Variants in ADAM29 observed in about 807,000 individuals in gnomAD.
ADAM29 encodes disintegrin and metalloproteinase domain-containing protein 29.
For missense variants in ADAM29, 969 were observed against 1,001.8 expected (o/e 0.97, Z 0.44); for synonymous variants, 367 against 342.3 (o/e 1.07, Z -0.80).
chr4:174,924,351 G>T (rs1055091664), intron 2 of ADAM29, among the ~76,000 whole-genome samples: 10 of 152,172 alleles, frequency 6.6e-5, no homozygotes, highest in Non-Finnish European at 1.2e-4. Flanking sequence ...TGGTAAGGAT[G>T]CAGTGCAACA....
chr4:174,954,507 A>G (rs1232069498), intron 4 of ADAM29, among the ~76,000 whole-genome samples: 2 of 152,196 alleles, frequency 1.3e-5, no homozygotes, highest in African/African-American at 2.4e-5. Context: ...GAATCTGTTT[A>G]ATTATCCATA....
At chr4:174,932,497 C>T (rs1274030259) in intron 3 of ADAM29, among the ~76,000 whole-genome samples, 3 of 152,080 alleles carry the variant, frequency 2.0e-5, no homozygotes, top group East Asian at 3.9e-4. Flanking sequence ...TCCCTCAGGC[C>T]TCTTTTACAA....
At chr4:174,920,105 A>T (rs1182514302) in intron 1 of ADAM29, among the ~76,000 whole-genome samples, 15 of 152,160 alleles carry the variant, frequency 9.9e-5, no homozygotes, top group Admixed American at 9.8e-4. Context: ...CATGTTACCT[A>T]TTCATACATA....
intron 2 of ADAM29, among the ~76,000 whole-genome samples, chr4:174,923,519 TTATATG>T (rs1553970124): frequency 2.7e-4 from 10 of 36,774 alleles, no homozygotes; most frequent in African/African-American, 5.2e-4. Context: ...ATACTGTGCA[TTATATG>T]TATATATATA....
chr4:174,938,320 G>T (rs1744318080), intron 4 of ADAM29, among the ~76,000 whole-genome samples: 1 of 152,076 alleles, frequency 6.6e-6, no homozygotes, highest in Non-Finnish European at 1.5e-5. Flanking sequence ...GGAACAGAGA[G>T]AAATGGAATG....
chr4:174,970,332 T>C (rs1479594736), intron 4 of ADAM29, among the ~76,000 whole-genome samples: 1 of 152,120 alleles, frequency 6.6e-6, no homozygotes, highest in Non-Finnish European at 1.5e-5. Context: ...GATTTCCCTG[T>C]ATTATACCGT....
At chr4:174,922,524 A>T (rs1388316662) in intron 2 of ADAM29, among the ~76,000 whole-genome samples, 1 of 152,116 alleles carries the variant, frequency 6.6e-6, no homozygotes, top group Non-Finnish European at 1.5e-5. Flanking sequence ...AGTTTCAATC[A>T]GCACGAGCAT....
intron 4 of ADAM29, among the ~76,000 whole-genome samples, chr4:174,968,919 T>C (rs1445363589): frequency 6.6e-6 from 1 of 152,020 alleles, no homozygotes; most frequent in Non-Finnish European, 1.5e-5. Context: ...TTTTATGAAA[T>C]TCATTTCCTA....
chr4:174,929,303 G>GT lies in ADAM29; in HGVS notation c.-450-1683_-450-1682insT, dbSNP rs140988292. Among the ~76,000 whole-genome samples, 322 of 152,218 alleles carry GT rather than the reference G, an allele frequency of 2.1e-3. 2 individuals are homozygous for GT. The Middle Eastern group carries it at 0.027, about 13-fold the overall frequency. On this transcript the variant is annotated intron_variant, in intron 2 of 4. Transcript: ENST00000359240. Reference sequence around the variant, plus strand: ...GCATAATGTTGACTTTCTTTAGAAAGCATATTCTGATGCTTTCAAAAAGAC... The same window carrying GT: ...GCATAATGTTGACTTTCTTTAGAAAGTCATATTCTGATGCTTTCAAAAAGAC...
intron 4 of ADAM29, among the ~76,000 whole-genome samples, chr4:174,955,103 A>G (rs965919463): frequency 3.3e-5 from 5 of 152,080 alleles, no homozygotes; most frequent in Non-Finnish European, 7.4e-5. Context: ...AAAATGTAAT[A>G]TCAGAGATAT....
At chr4:174,966,210 AT>A (rs961798825) in intron 4 of ADAM29, among the ~76,000 whole-genome samples, 1 of 152,000 alleles carries the variant, frequency 6.6e-6, no homozygotes, top group Non-Finnish European at 1.5e-5. Context: ...TACAGATGCA[AT>A]TTTTTTTCAA....
intron 4 of ADAM29, among the ~76,000 whole-genome samples, chr4:174,940,847 T>C (rs528232074): frequency 7.5e-4 from 115 of 152,328 alleles, no homozygotes; most frequent in African/African-American, 2.7e-3. Context: ...ATGAAAATGA[T>C]TATGCATTCA....
At chr4:174,973,270 T>A (rs1746573149) in intron 4 of ADAM29, among the ~76,000 whole-genome samples, 1 of 152,184 alleles carries the variant, frequency 6.6e-6, no homozygotes, top group Admixed American at 6.5e-5. Context: ...TTTGGAGTAC[T>A]GGACACAAAT....
Position 174,978,038 on chromosome 4 carries a change from C to T in ADAM29, c.*50C>T. On this transcript the variant is annotated 3_prime_UTR_variant, in exon 5 of 5. Transcript: ENST00000359240. The stretch of plus-strand genomic sequence containing the variant: ...CAGAGTCAACCTCCTGTGACGCCCT[C>T]CCAGAGCCAACCTCGGGTGACACCC... The T allele has an allele frequency of 1.3e-6, 2 of 1,598,696 alleles. No homozygotes were observed. The highest frequency in any genetic ancestry group is 1.7e-6 in the Non-Finnish European group (2 of 1,170,120).
chr4:174,929,425 A>T (rs1348342342), intron 2 of ADAM29, among the ~76,000 whole-genome samples: 1 of 152,208 alleles, frequency 6.6e-6, no homozygotes, highest in Non-Finnish European at 1.5e-5. Flanking sequence ...CTTATCACAC[A>T]GCTACGAAAA....
chr4:174,964,120 G>T (rs558350583), intron 4 of ADAM29, among the ~76,000 whole-genome samples: 1 of 151,962 alleles, frequency 6.6e-6, no homozygotes, highest in African/African-American at 2.4e-5. Flanking sequence ...TGGTTTGAAG[G>T]CCCAACCCCC....
Position 174,957,455 on chromosome 4 carries a change from A to G in ADAM29, c.-180-17891A>G, listed in dbSNP as rs922335698. ...AATTGATTCCTCCTTCTGCTTTAAG[A>G]TATGGTGTTCCTCTGCCCTAAAACT... is the stretch of plus-strand genomic sequence containing the variant. On this transcript the variant is annotated intron_variant, in intron 4 of 4. Coordinates refer to ENST00000359240, the MANE Select transcript of ADAM29 (RefSeq NM_014269.4). 3.1e-4 allele frequency among the ~76,000 whole-genome samples: 47 copies of G among 151,906 alleles called. 2 individuals carry two copies. Among genetic ancestry groups the G allele is most frequent in the Admixed American group, 3.0e-3 (45 of 15,250 alleles).
chr4:174,955,050 A>G (rs1262079806), intron 4 of ADAM29, among the ~76,000 whole-genome samples: 1 of 151,294 alleles, frequency 6.6e-6, no homozygotes, highest in African/African-American at 2.4e-5. Context: ...AAATAAAACT[A>G]ATAAAATGTA....
In ADAM29 at chr4:174,975,738, G is replaced by A; in HGVS notation, c.213G>A (p.Lys71=). 1 of 1,612,816 alleles carries A rather than the reference G, an allele frequency of 6.2e-7. No homozygotes were observed. Among genetic ancestry groups the A allele is most frequent in the Non-Finnish European group, 8.5e-7 (1 of 1,179,544 alleles). Residue 71 remains lysine, a synonymous_variant, in exon 5 of 5, where the codon AAG becomes AAA. Transcript: ENST00000359240. ...ACATTATCCACATAAAGGTCAAGAA[G>A]CTTTTGTTTTCCAAACACCTCCCTG... The part of the protein sequence containing the change: ...QKHIIHIKVK[K]LLFSKHLPVF...
Sources: gnomAD v4.1 joint callset for allele counts (sites outside exome capture counted in the v4.1 genomes callset) on GRCh38, gnomAD v4.1.1 for gene constraint, MANE v1.5 for transcripts, NCBI Gene and HGNC (gene_info 2026-07-23, HGNC 2026-07-21) for gene names.